Variants in C3orf52 observed in about 807,000 individuals in gnomAD.
The protein encoded by C3orf52 is chromosome 3 open reading frame 52.
Under a neutral mutation model 24.8 loss-of-function variants are expected in C3orf52, and 22 were observed. That is an observed-to-expected ratio of 0.89 (90% confidence interval 0.63 to 1.27). The LOEUF is 1.27. C3orf52 is among the 50% of genes most tolerant of loss of function. The pLI is 0.00. For missense variants in C3orf52, 265 were observed against 260.7 expected, an observed-to-expected ratio of 1.02 and a Z score of -0.11; for synonymous variants, 93 against 100.2, an observed-to-expected ratio of 0.93 and a Z score of 0.43.
downstream of C3orf52, chr3:112,133,133 C>G (rs1433445190): frequency 6.2e-7 from 1 of 1,613,758 alleles, no homozygotes; most frequent in East Asian, 2.2e-5. Flanking sequence ...TCTCAGTCCT[C>G]TCAGGGCTTC....
intron 2 of C3orf52, among the ~76,000 whole-genome samples, chr3:112,096,941 T>C (rs943640285): frequency 6.6e-6 from 1 of 152,184 alleles, no homozygotes; most frequent in African/African-American, 2.4e-5. Context: ...GTAGGGGCTT[T>C]GTATGTGCTA....
chr3:112,100,875 G>A (rs1261525919), intron 2 of C3orf52, among the ~76,000 whole-genome samples: 4 of 152,150 alleles, frequency 2.6e-5, no homozygotes, highest in East Asian at 1.9e-4. Context: ...ATCAGGATAA[G>A]TAAGCAATAA....
chr3:112,109,859 G>T, intron 4 of C3orf52: 1 of 380,208 alleles, frequency 2.6e-6, no homozygotes, highest in South Asian at 4.5e-5. Flanking sequence ...CACAGAAGAG[G>T]GGAAAAGCCA....
chr3:112,103,825 G>A (rs2074000596), intron 3 of C3orf52, among the ~76,000 whole-genome samples: 1 of 152,342 alleles, frequency 6.6e-6, no homozygotes, highest in South Asian at 2.1e-4. Context: ...GCCTTCCCAT[G>A]CTTTGTGGTG....
chr3:112,086,923 C>A (rs1228415063), intron 1 of C3orf52, among the ~76,000 whole-genome samples: 5 of 152,128 alleles, frequency 3.3e-5, no homozygotes, highest in Non-Finnish European at 7.4e-5. Context: ...AATTGAGTAT[C>A]CTCCTTCTCT....
downstream of C3orf52, chr3:112,119,412 G>A: frequency 2.9e-6 from 2 of 701,192 alleles, no homozygotes; most frequent in East Asian, 2.7e-5. Flanking sequence ...AAACAGTAGG[G>A]TTGCGGGTGG....
In C3orf52 at chr3:112,105,570, G is replaced by GTGTGTGTGTGTGTGTT. The variant is rs199579112; in HGVS notation, c.396+2606_396+2607insGTGTGTGTGTGTGTTT. Among the ~76,000 whole-genome samples the GTGTGTGTGTGTGTGTT allele has an allele frequency of 7.5e-3, 1,003 of 134,004 alleles. 11 individuals carry two copies. Among genetic ancestry groups the GTGTGTGTGTGTGTGTT allele is most frequent in the African/African-American group, 0.025 (931 of 37,224 alleles). The allele number at this position is 134,004 out of a possible 152,430, so 87.9% of individuals were successfully genotyped here. ...TGTGTGTGTGTGTGTGTGTGTGTGT[G>GTGTGTGTGTGTGTGTT]TTTTCCACACCAACCAATTATCTGC... On this transcript the variant is annotated intron_variant, in intron 3 of 5. Transcript: ENST00000264848.
chr3:112,129,065 A>G (rs149907014), downstream of C3orf52: 1 of 152,356 alleles, frequency 6.6e-6, no homozygotes, highest in East Asian at 1.9e-4. Flanking sequence ...TCTATGCATC[A>G]TCAAAGCCTT....
chr3:112,099,669 A>G (rs990373777), intron 2 of C3orf52, among the ~76,000 whole-genome samples: 11 of 152,226 alleles, frequency 7.2e-5, no homozygotes, highest in Admixed American at 1.3e-4. Flanking sequence ...AAATATATTC[A>G]TAAGGTGCAT....
chr3:112,087,282 C>T (rs1328457778), intron 1 of C3orf52, among the ~76,000 whole-genome samples: 2 of 152,194 alleles, frequency 1.3e-5, no homozygotes, highest in Non-Finnish European at 2.9e-5. Context: ...TTTACCTCCT[C>T]TCAATCCCTA....
intron 3 of C3orf52, among the ~76,000 whole-genome samples, chr3:112,105,303 G>A (rs186176438): frequency 1.5e-3 from 232 of 152,282 alleles, no homozygotes; most frequent in Non-Finnish European, 2.9e-3. Context: ...AATGATCAAA[G>A]TAAGGCATAG....
chr3:112,135,474 C>A (rs181908704), downstream of C3orf52: 37 of 152,698 alleles, frequency 2.4e-4, no homozygotes, highest in Admixed American at 2.3e-3. Flanking sequence ...AGCTGTGCAA[C>A]CCCAGATTCA....
intron 4 of C3orf52, chr3:112,123,555 T>C: frequency 6.2e-7 from 1 of 1,614,184 alleles, no homozygotes; most frequent in Non-Finnish European, 8.5e-7. Context: ...TTCATATTCA[T>C]CTTCTGGGGA....
intron 1 of C3orf52, among the ~76,000 whole-genome samples, chr3:112,089,460 C>T (rs773751674): frequency 2.1e-5 from 3 of 140,444 alleles, no homozygotes; most frequent in African/African-American, 8.0e-5. Context: ...ACCTGGGAGG[C>T]GGAGGTCGTG....
Position 112,103,001 on chromosome 3 carries a change from G to A in C3orf52, c.396+36G>A, listed in dbSNP as rs773164886. 4.4e-6 allele frequency: 7 copies of A among 1,600,118 alleles called. No individual in the cohort carries two copies. In the African/African-American group the frequency reaches 9.4e-5, roughly 21 times the overall value. On this transcript the variant is annotated intron_variant, in intron 3 of 5. Transcript: ENST00000264848. Reference sequence around the variant, plus strand: ...CTTATATATTGCCTAAGGAGTTCTTGACATTAGAATATGAATTTTGCTAGA... The same window carrying A: ...CTTATATATTGCCTAAGGAGTTCTTAACATTAGAATATGAATTTTGCTAGA...
chr3:112,086,544 A>G lies in C3orf52; in HGVS notation c.137A>G (p.Glu46Gly). 1 of 1,550,690 alleles carries G rather than the reference A, an allele frequency of 6.4e-7. No individual in the cohort carries two copies. Among genetic ancestry groups the G allele is most frequent in the Non-Finnish European group, 8.7e-7 (1 of 1,146,490 alleles). The change falls in exon 1 of 6, where the codon GAG (glutamate) becomes GGG (glycine). Residue 46 changes from glutamate (E) to glycine (G), a missense_variant and splice_region_variant. Physicochemically the swap from Glu to Gly is moderately conservative, Grantham distance 98 (BLOSUM62 -2). Transcript: ENST00000264848. Reference sequence around the variant, plus strand: ...TTGGACGAGGAGGTCCCCCCGGCCGAGGTAAGGTCCCCTTGGCGCTGGCCC... The same window carrying G: ...TTGGACGAGGAGGTCCCCCCGGCCGGGGTAAGGTCCCCTTGGCGCTGGCCC... ...PSLDEEVPPA[E>G]ANKESPWSSC...
downstream of C3orf52, chr3:112,134,441 C>T (rs906070687): frequency 6.6e-6 from 1 of 152,160 alleles, no homozygotes; most frequent in African/African-American, 2.4e-5. Flanking sequence ...TCATCGAAGC[C>T]CTGGCACCCG....
At chr3:112,104,405 G>C (rs1255696859) in intron 3 of C3orf52, among the ~76,000 whole-genome samples, 1 of 152,168 alleles carries the variant, frequency 6.6e-6, no homozygotes, top group Non-Finnish European at 1.5e-5. Context: ...AGGTTGAATG[G>C]AGTGAGTGCT....
intron 4 of C3orf52, among the ~76,000 whole-genome samples, chr3:112,127,756 G>T (rs113850770): frequency 2.0e-5 from 3 of 152,304 alleles, no homozygotes; most frequent in African/African-American, 7.2e-5. Context: ...TGAAAAAAAC[G>T]TATGTTTTCT....
Sources: gnomAD v4.1 joint callset for allele counts (sites outside exome capture counted in the v4.1 genomes callset) on GRCh38, gnomAD v4.1.1 for gene constraint, MANE v1.5 for transcripts, NCBI Gene and HGNC (gene_info 2026-07-23, HGNC 2026-07-21) for gene names.